PARD3B: variants seen among roughly 807,000 people sequenced by gnomAD.
PARD3B encodes par-3 family cell polarity regulator beta.
A neutral mutation model predicts 130.2 loss-of-function variants in PARD3B; 103 were observed. The ratio of observed to expected loss-of-function variants is 0.79; its 90% CI spans 0.67 to 0.93. The LOEUF (loss-of-function observed/expected upper bound fraction) is 0.93. Ranked by LOEUF, PARD3B falls within the 40% of genes least tolerant of loss-of-function variation. The pLI is 0.00. For synonymous variants in PARD3B, 583 were observed against 553.2 expected (o/e 1.05, Z -0.76); for missense variants, 1,609 against 1,499.2 (o/e 1.07, Z -1.21).
intron 2 of PARD3B, among the ~76,000 whole-genome samples, chr2:204,902,452 G>A (rs899587911): frequency 2.0e-5 from 3 of 151,986 alleles, no homozygotes; most frequent in African/African-American, 2.4e-5. Context: ...GGCGGATCAC[G>A]AGGTCAGGAG....
In PARD3B at chr2:204,887,902, C is replaced by T. The variant is rs1253189410; in HGVS notation, c.223-77250C>T. 1.3e-5 allele frequency among the ~76,000 whole-genome samples: 2 copies of T among 152,034 alleles called. No individual in the cohort carries two copies. Among genetic ancestry groups the T allele is most frequent in the Non-Finnish European group, 2.9e-5 (2 of 68,022 alleles). On this transcript the variant is annotated intron_variant, in intron 2 of 22. Coordinates refer to ENST00000406610, the MANE Select transcript of PARD3B (RefSeq NM_001302769.2). The surrounding 1 kb of genome is among the most constrained non-coding windows in gnomAD (Gnocchi z 4.2). ...AAGGGCTCACTATGGATTTGAGAAG[C>T]CAGAAAAGTCCTTAGAGAGGAGGTG...
At chr2:204,587,457 C>T (rs1009553420) in intron 1 of PARD3B, among the ~76,000 whole-genome samples, 3 of 152,160 alleles carry the variant, frequency 2.0e-5, no homozygotes, top group Non-Finnish European at 4.4e-5. Context: ...GTCACTTTCA[C>T]TTTGGAGCTC....
intron 20 of PARD3B, among the ~76,000 whole-genome samples, chr2:205,484,687 T>C (rs1028380831): frequency 2.0e-5 from 3 of 152,180 alleles, no homozygotes; most frequent in African/African-American, 7.2e-5. Context: ...ACGGAACATA[T>C]AGATTACAGA....
At chr2:204,625,820 G>C in intron 1 of PARD3B, among the ~76,000 whole-genome samples, 1 of 151,940 alleles carries the variant, frequency 6.6e-6, no homozygotes, top group East Asian at 1.9e-4. Context: ...CTTCCTTTTT[G>C]GAAGAAATAG....
At chr2:205,043,076 C>A (rs536459403) in intron 3 of PARD3B, among the ~76,000 whole-genome samples, 1 of 152,068 alleles carries the variant, frequency 6.6e-6, no homozygotes, top group East Asian at 1.9e-4. Context: ...TGAAAAAAAA[C>A]TAATGAATAG....
At chr2:205,077,592 GCCTTCTGTA>G (rs1701145698) in intron 4 of PARD3B, among the ~76,000 whole-genome samples, 1 of 152,094 alleles carries the variant, frequency 6.6e-6, no homozygotes, top group South Asian at 2.1e-4. Context: ...AAAATGCAGA[GCCTTCTGTA>G]CCCCTCCAAA....
intron 2 of PARD3B, among the ~76,000 whole-genome samples, chr2:204,707,399 G>GT (rs1359359245): frequency 1.3e-5 from 2 of 152,130 alleles, no homozygotes; most frequent in Non-Finnish European, 2.9e-5. Context: ...CGAAATCACT[G>GT]TTACAACTTT....
At chr2:205,165,761 A>G (rs922169146) in intron 11 of PARD3B, among the ~76,000 whole-genome samples, 5 of 121,198 alleles carry the variant, frequency 4.1e-5, no homozygotes, top group African/African-American at 1.6e-4. Flanking sequence ...AAATAAATAA[A>G]TAAATAAATA....
At chr2:204,818,770 T>C (rs2043231144) in intron 2 of PARD3B, among the ~76,000 whole-genome samples, 1 of 152,208 alleles carries the variant, frequency 6.6e-6, no homozygotes, top group Non-Finnish European at 1.5e-5. Context: ...GGAAGTATCA[T>C]AAAGAAAAAG....
chr2:205,179,592 G>A (rs1266557131), intron 13 of PARD3B, among the ~76,000 whole-genome samples: 2 of 152,140 alleles, frequency 1.3e-5, no homozygotes, highest in Non-Finnish European at 2.9e-5. Context: ...TGTAGCCTAG[G>A]AGCAATAGGC....
At chr2:205,477,982 G>A (rs1453701157) in intron 20 of PARD3B, among the ~76,000 whole-genome samples, 1 of 152,180 alleles carries the variant, frequency 6.6e-6, no homozygotes, top group Non-Finnish European at 1.5e-5. Flanking sequence ...CCAACCCAGG[G>A]CTAGCCTTGG....
At chr2:204,665,912 A>G (rs1202750347) in intron 1 of PARD3B, among the ~76,000 whole-genome samples, 1 of 152,232 alleles carries the variant, frequency 6.6e-6, no homozygotes, top group Non-Finnish European at 1.5e-5. Context: ...GTCCTCTCAC[A>G]GAGTATAAAG....
chr2:205,548,318 A>G (rs2052465228), intron 21 of PARD3B, among the ~76,000 whole-genome samples: 1 of 152,050 alleles, frequency 6.6e-6, no homozygotes, highest in African/African-American at 2.4e-5. Flanking sequence ...AAACCATTAT[A>G]CTCAACGATC....
intron 20 of PARD3B, among the ~76,000 whole-genome samples, chr2:205,477,188 T>C (rs1018228435): frequency 6.6e-6 from 1 of 152,204 alleles, no homozygotes; most frequent in African/African-American, 2.4e-5. Context: ...TTATATAACA[T>C]GGAATATTCT....
chr2:205,274,597 A>AT lies in PARD3B; in HGVS notation c.2186-25926dup, dbSNP rs1414542203. ...ATTTACATGGTATACTTTTACATTG[A>AT]TTTTTTTATAAATCATTTCTACTTA... is the stretch of plus-strand genomic sequence containing the variant. On this transcript the variant is annotated intron_variant, in intron 16 of 22. Coordinates refer to ENST00000406610, the MANE Select transcript of PARD3B (RefSeq NM_001302769.2). This position sits in a 1 kb window ranked among gnomAD's most constrained non-coding sequence, Gnocchi z 4.2. 6.6e-6 allele frequency among the ~76,000 whole-genome samples: 1 copy of AT among 151,878 alleles called. No homozygotes were observed. The highest frequency in any genetic ancestry group is 1.5e-5 in the Non-Finnish European group (1 of 67,946).
chr2:205,052,091 C>T (rs1307429166), intron 4 of PARD3B, among the ~76,000 whole-genome samples: 1 of 152,012 alleles, frequency 6.6e-6, no homozygotes, highest in Non-Finnish European at 1.5e-5. Context: ...GGCTTAAGGG[C>T]ATGCCATAAA....
At chr2:205,523,225 G>GTATA (rs906912640) in intron 21 of PARD3B, among the ~76,000 whole-genome samples, 6 of 142,956 alleles carry the variant, frequency 4.2e-5, no homozygotes, top group African/African-American at 1.5e-4. Context: ...GTGTGTGTGT[G>GTATA]TATATATATA....
At chr2:205,483,775 A>G (rs1291743347) in intron 20 of PARD3B, among the ~76,000 whole-genome samples, 1 of 152,194 alleles carries the variant, frequency 6.6e-6, no homozygotes, top group East Asian at 1.9e-4. Context: ...AAGAAATAAC[A>G]TAGTGATTCA....
chr2:205,537,542 C>T (rs1007380636), intron 21 of PARD3B, among the ~76,000 whole-genome samples: 3 of 152,216 alleles, frequency 2.0e-5, no homozygotes, highest in Non-Finnish European at 2.9e-5. Flanking sequence ...GACTTGAAAA[C>T]ACAATGAAGG....
Sources: gnomAD v4.1 joint callset for allele counts (sites outside exome capture counted in the v4.1 genomes callset) on GRCh38, gnomAD v4.1.1 for gene constraint, Gnocchi (gnomAD v3.1) non-coding constraint, MANE v1.5 for transcripts, NCBI Gene and HGNC (gene_info 2026-07-23, HGNC 2026-07-21) for gene names.